The following GPA33 variants were observed in gnomAD, a reference collection of about 807,000 sequenced individuals.
The protein encoded by GPA33 is cell surface A33 antigen.
In GPA33, 27 loss-of-function variants were observed where a neutral mutation model predicts 35.6. The ratio of observed to expected loss-of-function variants is 0.76; its 90% confidence interval spans 0.56 to 1.04. The LOEUF (loss-of-function observed/expected upper bound fraction) is 1.04, where lower values mean the gene tolerates loss of function less well. GPA33 is among the 50% of genes least tolerant of loss of function. GPA33 has a pLI of 0.00. For synonymous variants in GPA33, 176 were observed against 164.0 expected (o/e 1.07, Z -0.56); for missense variants, 428 against 411.9 (o/e 1.04, Z -0.34).
intron 1 of GPA33, among the ~76,000 whole-genome samples, chr1:167,089,908 T>C (rs1667121763): frequency 2.6e-5 from 4 of 152,106 alleles, no homozygotes; most frequent in Admixed American, 2.6e-4. Context: ...CCACACATCC[T>C]GGATTTTCTA....
At chr1:167,078,448 C>T (rs370104320) in intron 1 of GPA33, 1 of 152,358 alleles carries the variant, frequency 6.6e-6, no homozygotes, top group African/African-American at 2.4e-5. Flanking sequence ...TATTCTCTAG[C>T]ACCTCACAGT....
chr1:167,068,099 AAATTT>A (rs1269187310), intron 3 of GPA33, among the ~76,000 whole-genome samples: 3 of 151,940 alleles, frequency 2.0e-5, no homozygotes, highest in African/African-American at 4.8e-5. Context: ...ATTTTAAAAT[AAATTT>A]AATTTAAATT....
intron 5 of GPA33, among the ~76,000 whole-genome samples, chr1:167,055,329 C>G (rs143044810): frequency 1.3e-5 from 2 of 152,178 alleles, no homozygotes; most frequent in Admixed American, 1.3e-4. Flanking sequence ...TCCGGGCTAC[C>G]CTGGCTCTGC....
chr1:167,074,707 C>A (rs577787685), intron 1 of GPA33, among the ~76,000 whole-genome samples: 1 of 150,160 alleles, frequency 6.7e-6, no homozygotes, highest in Non-Finnish European at 1.5e-5. Flanking sequence ...GCTTAGTCTA[C>A]GCACAAGGAA....
chr1:167,063,583 T>C lies in GPA33; in HGVS notation c.570A>G (p.Pro190=). The C allele has an allele frequency of 6.2e-7, 1 of 1,602,274 alleles. No homozygotes were observed. The highest frequency in any genetic ancestry group is 8.5e-7 in the Non-Finnish European group (1 of 1,172,578). The part of the protein sequence containing the change: ...ILNQEQPLAQ[P]ASGQPVSLKN... ...CCGCCTTCCCTACTGCCCCCTTACCTGGCTGGGCCAGGGGCTGCTCCTGAT... is the reference window on the plus strand; with the variant it reads ...CCGCCTTCCCTACTGCCCCCTTACCCGGCTGGGCCAGGGGCTGCTCCTGAT... Residue 190 remains proline (P), a splice_region_variant and synonymous_variant, in exon 4 of 7, where the codon CCA becomes CCG. Transcript: ENST00000367868.
At chr1:167,080,358 A>C (rs1666901120) in intron 1 of GPA33, among the ~76,000 whole-genome samples, 1 of 152,174 alleles carries the variant, frequency 6.6e-6, no homozygotes, top group Admixed American at 6.5e-5. Context: ...AAGGAATCAT[A>C]ACAATCTCTT....
At chr1:167,084,071 G>A (rs1165774593) in intron 1 of GPA33, among the ~76,000 whole-genome samples, 3 of 152,138 alleles carry the variant, frequency 2.0e-5, no homozygotes, top group Non-Finnish European at 4.4e-5. Flanking sequence ...CCAGAAATGT[G>A]GGCTGGGCCT....
At position 167,073,502 on chromosome 1, in the gene GPA33, C is replaced by A. The variant is rs142251750; in HGVS notation, c.81G>T (p.Pro27=). The A allele has an allele frequency of 1.2e-6, 2 of 1,613,586 alleles. No individual in the cohort carries two copies. Among genetic ancestry groups the A allele is most frequent in the South Asian group, 2.2e-5 (2 of 91,058 alleles). Residue 27 remains proline, a synonymous_variant, in exon 2 of 7, where the codon CCG becomes CCT. Transcript: ENST00000367868. ...VTVDAISVET[P]QDVLRASQGK... ...CCTGCGAAGCCCGAAGAACGTCCTG[C>A]GGAGTTTCCACAGAGATGGCATCGA...
chr1:167,069,622 C>G (rs1468137752), intron 2 of GPA33, among the ~76,000 whole-genome samples: 1 of 152,248 alleles, frequency 6.6e-6, no homozygotes, highest in Non-Finnish European at 1.5e-5. Context: ...ATAGACTCAT[C>G]ATTTATCAAA....
At chr1:167,089,090 T>A (rs1667108519) in intron 1 of GPA33, among the ~76,000 whole-genome samples, 1 of 152,214 alleles carries the variant, frequency 6.6e-6, no homozygotes. Flanking sequence ...CAGATGAACT[T>A]GAGCCAGCCT....
chr1:167,074,307 A>C (rs925525401), intron 1 of GPA33, among the ~76,000 whole-genome samples: 1 of 151,806 alleles, frequency 6.6e-6, no homozygotes, highest in African/African-American at 2.4e-5. Flanking sequence ...CATTCTCTTC[A>C]CCTGGTCCCT....
At chr1:167,066,899 G>A (rs888918939) in intron 3 of GPA33, among the ~76,000 whole-genome samples, 30 of 152,198 alleles carry the variant, frequency 2.0e-4, no homozygotes, top group African/African-American at 6.8e-4. Flanking sequence ...GCCCCGAGGC[G>A]CGGGCTGAGG....
chr1:167,079,585 AG>A (rs1666886110), intron 1 of GPA33, among the ~76,000 whole-genome samples: 1 of 152,236 alleles, frequency 6.6e-6, no homozygotes, highest in South Asian at 2.1e-4. Flanking sequence ...CATCTTAAAA[AG>A]CTCATCCTGT....
chr1:167,061,546 T>A (rs749249411), intron 4 of GPA33, among the ~76,000 whole-genome samples: 1 of 151,510 alleles, frequency 6.6e-6, no homozygotes, highest in East Asian at 1.9e-4. Context: ...CTACATTACA[T>A]TGACCTATTT....
chr1:167,076,459 C>G (rs1666825691), intron 1 of GPA33, among the ~76,000 whole-genome samples: 1 of 152,168 alleles, frequency 6.6e-6, no homozygotes, highest in African/African-American at 2.4e-5. Context: ...GACCGTCCCC[C>G]CGCCCAGCTG....
chr1:167,088,976 T>C (rs1667106962), intron 1 of GPA33, among the ~76,000 whole-genome samples: 2 of 152,202 alleles, frequency 1.3e-5, no homozygotes, highest in Non-Finnish European at 2.9e-5. Context: ...TCCTCACTTC[T>C]ATGGCACCTG....
chr1:167,056,869 T>TGTGTGTGGCGA (rs1666313810), intron 4 of GPA33, among the ~76,000 whole-genome samples: 4 of 14,384 alleles, frequency 2.8e-4, no homozygotes, highest in African/African-American at 7.9e-4. Flanking sequence ...GTGTGTGTGG[T>TGTGTGTGGCGA]GTGTGGTGTG....
At chr1:167,063,559 C>T (rs12742013) in intron 4 of GPA33, 23 bp downstream of exon 4, 273,280 of 1,579,742 alleles carry the variant, frequency 0.17, 25,588 homozygotes, top group Middle Eastern at 0.21. Flanking sequence ...GTGGGGAGCC[C>T]GCCTTCCCTA....
In GPA33 at chr1:167,069,286, C is replaced by T. The variant is rs116257719; in HGVS notation, c.199-148G>A. The stretch of plus-strand genomic sequence containing the variant: ...TCAGAACAAATAGCTCGCATATGTG[C>T]TACCCATTTGTGGATTTCTTGTATT... On this transcript the variant is annotated intron_variant, in intron 2 of 6. Coordinates refer to ENST00000367868, the MANE Select transcript of GPA33 (RefSeq NM_005814.3). 2,187 of 560,596 alleles carry T rather than the reference C, an allele frequency of 3.9e-3. 33 individuals carry two copies. The highest frequency in any genetic ancestry group is 0.036 in the African/African-American group (1,928 of 53,386). The allele number at this position is 560,596 out of a possible 1,614,324, so 34.7% of individuals were successfully genotyped here. A position where few individuals can be genotyped will look rare whatever the true frequency, so the allele number is the denominator to read the frequency against.
Sources: gnomAD v4.1 joint callset for allele counts (sites outside exome capture counted in the v4.1 genomes callset) on GRCh38, gnomAD v4.1.1 for gene constraint, MANE v1.5 for transcripts, NCBI Gene and HGNC (gene_info 2026-07-23, HGNC 2026-07-21) for gene names.